Variants in SH3D19 observed in about 807,000 individuals in gnomAD.
The protein encoded by SH3D19 is SH3 domain containing 19, also known as SH3 domain-containing protein 19.
A neutral mutation model predicts 112.1 loss-of-function variants in SH3D19; 58 were observed. That is an observed-to-expected ratio of 0.52 (90% CI 0.42 to 0.64). The LOEUF is 0.64. Ranked by LOEUF, SH3D19 falls within the 30% of genes least tolerant of loss-of-function variation. SH3D19 has a pLI of 0.00. For missense variants in SH3D19, 1,090 were observed against 1,263.4 expected (o/e 0.86, Z 2.08); for synonymous variants, 391 against 448.5 (o/e 0.87, Z 1.62).
At chr4:151,295,813 G>A (rs921069996) in intron 1 of SH3D19, among the ~76,000 whole-genome samples, 18 of 152,098 alleles carry the variant, frequency 1.2e-4, no homozygotes, top group African/African-American at 3.4e-4. Context: ...TGAGGCGGGC[G>A]GATCACGAGG....
At chr4:151,237,878 TAATA>T (rs1344427704) in intron 1 of SH3D19, among the ~76,000 whole-genome samples, 3 of 152,244 alleles carry the variant, frequency 2.0e-5, no homozygotes, top group Admixed American at 1.3e-4. Context: ...AGCAATGTAC[TAATA>T]AATAATTTCT....
At chr4:151,215,937 T>C (rs1354180658) in intron 2 of SH3D19, among the ~76,000 whole-genome samples, 1 of 152,162 alleles carries the variant, frequency 6.6e-6, no homozygotes, top group Non-Finnish European at 1.5e-5. Context: ...GTGATTTTCC[T>C]GCCTCAAGCC....
In SH3D19 at chr4:151,174,887, A is replaced by T. The variant is rs761074401; in HGVS notation, c.1317T>A (p.Ala439=). Residue 439 remains alanine (A), a synonymous_variant, in exon 7 of 20, where the codon GCT becomes GCA. Transcript: ENST00000604030. ...GAGGAACAGTGACAGGTTTCAGTGG[A>T]GCTGAAGGGTAGGTGGGGTTTTCTG... ...VSSENPTYPS[A]PLKPVTVPPR... The T allele has an allele frequency of 3.7e-6, 6 of 1,612,038 alleles. No homozygotes were observed. The highest frequency in any genetic ancestry group is 5.1e-6 in the Non-Finnish European group (6 of 1,178,868).
At chr4:151,300,598 A>C (rs1455448857) in intron 1 of SH3D19, 1 of 150,098 alleles carries the variant, frequency 6.7e-6, no homozygotes, top group Admixed American at 6.6e-5. Context: ...AAATTCATCA[A>C]GCATTCCATT....
chr4:151,138,686 T>TCACACACA (rs1177218801), intron 13 of SH3D19, among the ~76,000 whole-genome samples: 4 of 54,102 alleles, frequency 7.4e-5, no homozygotes, highest in South Asian at 1.1e-3. Context: ...AGATCTTGTC[T>TCACACACA]CACACACACA....
At chr4:151,247,340 GT>G (rs908235953) in intron 1 of SH3D19, among the ~76,000 whole-genome samples, 4 of 152,272 alleles carry the variant, frequency 2.6e-5, no homozygotes, top group Admixed American at 2.0e-4. Context: ...TTTCTTAAAA[GT>G]TTGGTAGAAT....
chr4:151,150,206 A>AAAAAATATATAT (rs1273707426), intron 9 of SH3D19, among the ~76,000 whole-genome samples: 2 of 46,160 alleles, frequency 4.3e-5, no homozygotes, highest in Non-Finnish European at 8.5e-5. Flanking sequence ...AAAAAAAAAA[A>AAAAAATATATAT]ATATATATAT....
chr4:151,258,175 T>A (rs1357890287), intron 1 of SH3D19, among the ~76,000 whole-genome samples: 1 of 152,198 alleles, frequency 6.6e-6, no homozygotes, highest in Non-Finnish European at 1.5e-5. Context: ...CTGTTCCACA[T>A]TTAACACAAT....
intron 1 of SH3D19, chr4:151,282,010 T>C (rs939967135): frequency 2.5e-6 from 2 of 810,926 alleles, no homozygotes; most frequent in East Asian, 2.4e-5. Context: ...AAATCAACCC[T>C]AGTTGAAGTT....
intron 1 of SH3D19, among the ~76,000 whole-genome samples, chr4:151,300,271 G>A (rs966959034): frequency 1.3e-5 from 2 of 152,082 alleles, no homozygotes; most frequent in Non-Finnish European, 2.9e-5. Flanking sequence ...TGAGCAGCAG[G>A]ATGGGAGCAT....
At chr4:151,128,109 T>C (rs1384330816) in intron 18 of SH3D19, 61 bp downstream of exon 18, 4 of 1,382,854 alleles carry the variant, frequency 2.9e-6, no homozygotes, top group African/African-American at 2.9e-5. Context: ...GGAATGTATA[T>C]AGTTTTGAAG....
chr4:151,316,364 C>T (rs773163763), intron 1 of SH3D19, among the ~76,000 whole-genome samples: 36 of 152,176 alleles, frequency 2.4e-4, no homozygotes, highest in Non-Finnish European at 4.3e-4. Context: ...GTCTCCTATA[C>T]GGAATACTGC....
Position 151,246,891 on chromosome 4 carries a change from C to T in SH3D19, c.113-20805G>A, listed in dbSNP as rs145815298. Reference sequence around the variant, plus strand: ...ATTGCTGCTACAAATAATTCCTTTTCGGCCCCATAGAACCTGCAGTTAATA... The same window carrying T: ...ATTGCTGCTACAAATAATTCCTTTTTGGCCCCATAGAACCTGCAGTTAATA... On this transcript the variant is annotated intron_variant, in intron 1 of 19. Transcript: ENST00000604030. 3.7e-3 allele frequency among the ~76,000 whole-genome samples: 559 copies of T among 152,258 alleles called. 5 individuals are homozygous for T. The highest frequency in any genetic ancestry group is 0.012 in the African/African-American group (518 of 41,542).
At chr4:151,179,561 T>C (rs930614340) in intron 3 of SH3D19, among the ~76,000 whole-genome samples, 164 bp from the exon 4 acceptor site, 3 of 152,208 alleles carry the variant, frequency 2.0e-5, no homozygotes, top group Non-Finnish European at 2.9e-5. Context: ...ATCATTTTAT[T>C]AGCATAAAGT....
At chr4:151,232,336 C>T (rs1431950988) in intron 1 of SH3D19, among the ~76,000 whole-genome samples, 1 of 151,664 alleles carries the variant, frequency 6.6e-6, no homozygotes, top group East Asian at 1.9e-4. Context: ...AGTTTCTTCC[C>T]TCTAACCCAA....
chr4:151,179,434 T>C (rs1760468669), intron 3 of SH3D19, 37 bp from the exon 4 acceptor site: 1 of 1,193,628 alleles, frequency 8.4e-7, no homozygotes, highest in Non-Finnish European at 1.0e-6. Context: ...AGTACAAAAT[T>C]AGTATGTTTG....
chr4:151,237,003 A>G (rs1032428992), intron 1 of SH3D19, among the ~76,000 whole-genome samples: 1 of 152,220 alleles, frequency 6.6e-6, no homozygotes, highest in South Asian at 2.1e-4. Context: ...AACATGCTGA[A>G]GTCCCCTTCC....
rs551459142 is a variant in SH3D19, at chr4:151,309,193, C to T, written c.112+16048G>A. Among the ~76,000 whole-genome samples the T allele has an allele frequency of 2.0e-3, 298 of 152,338 alleles. 2 individuals are homozygous for T. Among genetic ancestry groups the T allele is most frequent in the African/African-American group, 6.7e-3 (279 of 41,576 alleles). ...GATATTTTCCATGTCTTTCAACTTA[C>T]ATGTATATCCTTCCAATAAGCCTCC... On this transcript the variant is annotated intron_variant, in intron 1 of 19. Coordinates refer to ENST00000604030, the MANE Select transcript of SH3D19 (RefSeq NM_001378122.1).
intron 11 of SH3D19, among the ~76,000 whole-genome samples, chr4:151,147,424 A>C (rs1022959110): frequency 6.6e-6 from 1 of 152,016 alleles, no homozygotes; most frequent in Non-Finnish European, 1.5e-5. Context: ...CTTTCCCTAC[A>C]TTTCTCCTAA....
Sources: gnomAD v4.1 joint callset for allele counts (sites outside exome capture counted in the v4.1 genomes callset) on GRCh38, gnomAD v4.1.1 for gene constraint, MANE v1.5 for transcripts, NCBI Gene and HGNC (gene_info 2026-07-23, HGNC 2026-07-21) for gene names.